Variants in UTS2 observed in about 807,000 individuals in gnomAD.
UTS2 encodes urotensin 2.
A neutral mutation model predicts 12.6 loss-of-function variants in UTS2; 10 were observed. That is an observed-to-expected ratio of 0.80 (90% CI 0.49 to 1.35). UTS2 has a LOEUF of 1.35. UTS2 is among the 40% of genes most tolerant of loss of function. The pLI, the probability that UTS2 is intolerant of heterozygous loss-of-function variation, is 0.00. For missense variants in UTS2, 142 were observed against 143.2 expected (o/e 0.99, Z 0.04); for synonymous variants, 52 against 50.0 (o/e 1.04, Z -0.17).
intron 3 of UTS2, among the ~76,000 whole-genome samples, 157 bp from the exon 4 acceptor site, chr1:7,848,039 C>T (rs138481185): frequency 1.1e-3 from 175 of 152,280 alleles, no homozygotes; most frequent in African/African-American, 4.1e-3. Context: ...AAGAGTGTCC[C>T]GGGCCCGTGG....
At chr1:7,867,065 T>A in the UTS2 span, among the ~76,000 whole-genome samples, 1 of 152,096 alleles carries the variant, frequency 6.6e-6, no homozygotes, top group Non-Finnish European at 1.5e-5. Flanking sequence ...AGGTGGGGAT[T>A]CACCATTTTG....
At chr1:7,848,644 C>T (rs1397132242) in intron 3 of UTS2, among the ~76,000 whole-genome samples, 7 of 151,992 alleles carry the variant, frequency 4.6e-5, no homozygotes, top group African/African-American at 7.2e-5. Flanking sequence ...ACCAGCCTCC[C>T]GAATAGCTGG....
chr1:7,908,097 G>A, the UTS2 span, among the ~76,000 whole-genome samples: 4 of 151,848 alleles, frequency 2.6e-5, no homozygotes, highest in Non-Finnish European at 4.4e-5. Context: ...TCAGGAGTTC[G>A]AGACCAGCCT....
the UTS2 span, among the ~76,000 whole-genome samples, chr1:7,863,050 ATTGTATTGTATT>A: frequency 2.3e-4 from 13 of 55,426 alleles, no homozygotes; most frequent in Non-Finnish European, 3.2e-4. Context: ...ATTGTATTGT[ATTGTATTGTATT>A]GTATTGTATT....
chr1:7,909,389 A>G, the UTS2 span, among the ~76,000 whole-genome samples: 1 of 151,902 alleles, frequency 6.6e-6, no homozygotes, highest in East Asian at 2.0e-4. Flanking sequence ...TGCTAAAAAT[A>G]CAAAAATTAG....
the UTS2 span, among the ~76,000 whole-genome samples, chr1:7,866,270 G>T: frequency 6.6e-6 from 1 of 152,190 alleles, no homozygotes; most frequent in Non-Finnish European, 1.5e-5. This position sits in a 1 kb window ranked among gnomAD's most constrained non-coding sequence, Gnocchi z 4.5. Flanking sequence ...AGTAGGCAGG[G>T]AGAAACGTCT....
upstream of UTS2, chr1:7,853,528 A>G: frequency 6.7e-7 from 1 of 1,496,822 alleles, no homozygotes; most frequent in Non-Finnish European, 9.0e-7. Flanking sequence ...ACGTAAAACC[A>G]GCTATTTCCT....
rs765176159 is a variant in UTS2 at position 7,850,804 on chromosome 1, C to G, written c.214+8G>C. 2 of 1,613,620 alleles carry G rather than the reference C, an allele frequency of 1.2e-6. No homozygotes were observed. Among genetic ancestry groups the G allele is most frequent in the Non-Finnish European group, 1.7e-6 (2 of 1,179,674 alleles). ...TCAGACACGCTATAAACATGAGAAG[C>G]ATTTTACCTGCTTTCCTGAGAATAT... On this transcript the variant is annotated splice_region_variant and intron_variant, in intron 2 of 3. Coordinates refer to ENST00000361696, the MANE Select transcript of UTS2 (RefSeq NM_006786.4).
At position 7,849,630 on chromosome 1, in the gene UTS2, A is replaced by G; in HGVS notation, c.258+10T>C. On this transcript the variant is annotated intron_variant, in intron 3 of 3. Transcript: ENST00000361696. ...CTTTTTAAACCTAACTCATAAATAG[A>G]GTCACTTACCTTTCTCAAATTTCCT... 6.2e-7 allele frequency: 1 copy of G among 1,606,120 alleles called. No individual in the cohort carries two copies.
the UTS2 span, among the ~76,000 whole-genome samples, chr1:7,888,187 T>A: frequency 3.0e-4 from 46 of 152,384 alleles, no homozygotes; most frequent in Non-Finnish European, 1.9e-4. Context: ...TACCTCTCAG[T>A]TTATGGCTTC....
At chr1:7,878,673 G>A in the UTS2 span, among the ~76,000 whole-genome samples, 1 of 151,878 alleles carries the variant, frequency 6.6e-6, no homozygotes, top group Non-Finnish European at 1.5e-5. Flanking sequence ...TGTCCAGCCT[G>A]GGCAACATAG....
At chr1:7,868,998 CA>C in the UTS2 span, among the ~76,000 whole-genome samples, 34,711 of 152,152 alleles carry the variant, frequency 0.23, 4,653 homozygotes, top group African/African-American at 0.35. Context: ...TTGCAGCCTC[CA>C]AAACTGTGAG....
At chr1:7,895,373 A>AAAAG in the UTS2 span, among the ~76,000 whole-genome samples, 1 of 151,996 alleles carries the variant, frequency 6.6e-6, no homozygotes, top group East Asian at 1.9e-4. Flanking sequence ...CCATCCCAAA[A>AAAAG]AAATAAATAA....
the UTS2 span, among the ~76,000 whole-genome samples, chr1:7,895,806 CT>C: frequency 1.3e-5 from 2 of 152,160 alleles, no homozygotes; most frequent in Admixed American, 6.6e-5. Flanking sequence ...TGATAAAACT[CT>C]ATTTGAGTGA....
At chr1:7,886,544 A>T in the UTS2 span, among the ~76,000 whole-genome samples, 35,536 of 152,104 alleles carry the variant, frequency 0.23, 4,504 homozygotes, top group African/African-American at 0.3. Context: ...GGGTTCTGCC[A>T]GGTGGAAGTG....
chr1:7,851,126 G>A (rs1343037020), intron 1 of UTS2, among the ~76,000 whole-genome samples: 1 of 152,190 alleles, frequency 6.6e-6, no homozygotes, highest in African/African-American at 2.4e-5. Context: ...ATGGGAAGCC[G>A]GGAGACGTGG....
the UTS2 span, among the ~76,000 whole-genome samples, chr1:7,896,932 AG>A: frequency 6.6e-6 from 1 of 152,026 alleles, no homozygotes; most frequent in Non-Finnish European, 1.5e-5. Flanking sequence ...TCCTGACCTC[AG>A]GGGATCCACC....
the UTS2 span, among the ~76,000 whole-genome samples, chr1:7,869,492 T>A: frequency 6.6e-6 from 1 of 152,244 alleles, no homozygotes; most frequent in African/African-American, 2.4e-5. Context: ...GAGGTTTTTA[T>A]AACATGCTTT....
At chr1:7,902,418 C>T in the UTS2 span, among the ~76,000 whole-genome samples, 1 of 152,172 alleles carries the variant, frequency 6.6e-6, no homozygotes, top group East Asian at 1.9e-4. Context: ...GAAAATCATT[C>T]CCATTCACAT....
Sources: allele counts gnomAD v4.1 joint callset (sites outside exome capture counted in the v4.1 genomes callset), GRCh38; gene constraint gnomAD v4.1.1; non-coding constraint Gnocchi (gnomAD v3.1); transcripts MANE v1.5; gene names NCBI Gene and HGNC (gene_info 2026-07-23, HGNC 2026-07-21).